EPHB1: variants seen among roughly 807,000 people sequenced by gnomAD.
EPHB1 encodes ephrin type-B receptor 1.
Under a neutral mutation model 94.4 loss-of-function variants are expected in EPHB1, and 30 were observed. The ratio of observed to expected loss-of-function variants is 0.32; its 90% CI spans 0.24 to 0.43. The LOEUF (loss-of-function observed/expected upper bound fraction) is 0.43. Ranked by LOEUF, EPHB1 falls within the 20% of genes least tolerant of loss-of-function variation. The pLI, the probability that EPHB1 is intolerant of heterozygous loss-of-function variation, is 1.00. For synonymous variants in EPHB1, 522 were observed against 489.1 expected (o/e 1.07, Z -0.89); for missense variants, 1,055 against 1,308.3 (o/e 0.81, Z 2.99).
chr3:134,827,003 G>T (rs930076074), intron 1 of EPHB1, among the ~76,000 whole-genome samples: 1 of 152,172 alleles, frequency 6.6e-6, no homozygotes, highest in African/African-American at 2.4e-5. Flanking sequence ...GCCCCATCCT[G>T]CCTGTACAGG....
chr3:135,005,525 G>T (rs1288018843), intron 3 of EPHB1, among the ~76,000 whole-genome samples: 3 of 152,226 alleles, frequency 2.0e-5, no homozygotes, highest in African/African-American at 7.2e-5. Flanking sequence ...ACCTAAGCAA[G>T]CCTGGGCAAT....
intron 5 of EPHB1, among the ~76,000 whole-genome samples, chr3:135,144,303 A>G (rs1940936433): frequency 6.6e-6 from 1 of 152,214 alleles, no homozygotes; most frequent in South Asian, 2.1e-4. Flanking sequence ...ATGCCCTGTC[A>G]AACTTTGACA....
chr3:135,016,228 A>G (rs949509083), intron 3 of EPHB1, among the ~76,000 whole-genome samples: 2 of 152,238 alleles, frequency 1.3e-5, no homozygotes, highest in African/African-American at 2.4e-5. Flanking sequence ...ACCTTAAAGT[A>G]CTTCCAGCAA....
At chr3:135,056,397 C>T (rs548969888) in intron 3 of EPHB1, among the ~76,000 whole-genome samples, 1 of 152,238 alleles carries the variant, frequency 6.6e-6, no homozygotes, top group Non-Finnish European at 1.5e-5. Flanking sequence ...GCTGGGCTCT[C>T]TTGGGATACA....
At chr3:134,806,327 C>T (rs2108284223) in intron 1 of EPHB1, among the ~76,000 whole-genome samples, 1 of 152,326 alleles carries the variant, frequency 6.6e-6, no homozygotes, top group East Asian at 1.9e-4. Context: ...CGTTGTCACC[C>T]AGATACCACA....
intron 15 of EPHB1, among the ~76,000 whole-genome samples, chr3:135,258,588 A>G (rs1384804571): frequency 6.6e-6 from 1 of 152,182 alleles, no homozygotes; most frequent in Non-Finnish European, 1.5e-5. Context: ...AGACCAGGTG[A>G]GCCCCACATC....
chr3:134,858,221 T>C (rs766765086), intron 1 of EPHB1, among the ~76,000 whole-genome samples: 4 of 152,074 alleles, frequency 2.6e-5, no homozygotes, highest in Admixed American at 6.5e-5. Context: ...AGAATGCTCC[T>C]GTAGGTTTGG....
intron 13 of EPHB1, among the ~76,000 whole-genome samples, chr3:135,245,262 C>A (rs1943890936): frequency 6.6e-6 from 1 of 152,152 alleles, no homozygotes; most frequent in Admixed American, 6.5e-5. Flanking sequence ...ACAATCTCAT[C>A]TGTGAAGTTT....
intron 3 of EPHB1, among the ~76,000 whole-genome samples, chr3:134,958,451 A>T (rs1020231705): frequency 4.6e-4 from 60 of 130,848 alleles, no homozygotes; most frequent in Non-Finnish European, 7.1e-4. Flanking sequence ...TGTGTGTGTG[A>T]GGCCTCAGTG....
intron 4 of EPHB1, among the ~76,000 whole-genome samples, chr3:135,112,515 A>C (rs997166006): frequency 2.7e-5 from 4 of 147,408 alleles, no homozygotes; most frequent in Non-Finnish European, 4.5e-5. Context: ...CATTAGGTAT[A>C]TCTCCTAATG....
chr3:135,202,135 G>A (rs1942774159), intron 12 of EPHB1, among the ~76,000 whole-genome samples: 3 of 152,102 alleles, frequency 2.0e-5, no homozygotes. Flanking sequence ...CTTCCAAATA[G>A]CTCTAAGTAC....
intron 11 of EPHB1, among the ~76,000 whole-genome samples, chr3:135,197,205 T>G (rs1402919623): frequency 6.6e-6 from 1 of 152,172 alleles, no homozygotes; most frequent in Admixed American, 6.5e-5. Context: ...ACATGCGCCA[T>G]AAGGCCTTCT....
intron 1 of EPHB1, among the ~76,000 whole-genome samples, chr3:134,810,307 G>GTGTA (rs2036145844): frequency 6.6e-6 from 1 of 150,896 alleles, no homozygotes; most frequent in Non-Finnish European, 1.5e-5. Flanking sequence ...GTGTGTGTGT[G>GTGTA]TGTATTTATG....
chr3:135,179,987 G>T lies in EPHB1; in HGVS notation c.1882+5G>T. The T allele has an allele frequency of 6.2e-7, 1 of 1,613,608 alleles. No homozygotes were observed. The highest frequency in any genetic ancestry group is 8.5e-7 in the Non-Finnish European group (1 of 1,179,646). On this transcript the variant is annotated splice_donor_5th_base_variant and intron_variant, in intron 10 of 15. Coordinates refer to ENST00000398015, the MANE Select transcript of EPHB1 (RefSeq NM_004441.5). ...TTGAAGAGGTCATCGGAGCAGGTATGGCTCTTCCCTGTCTTGTTTCTGTTC... is the reference window on the plus strand; with the variant it reads ...TTGAAGAGGTCATCGGAGCAGGTATTGCTCTTCCCTGTCTTGTTTCTGTTC...
At chr3:135,065,989 T>G (rs1253529010) in intron 3 of EPHB1, among the ~76,000 whole-genome samples, 2 of 152,170 alleles carry the variant, frequency 1.3e-5, no homozygotes, top group African/African-American at 4.8e-5. Context: ...AATTCTTGGG[T>G]GATAATTGTT....
In EPHB1 at chr3:135,047,480, A is replaced by G. The variant is rs138916094; in HGVS notation, c.806-58968A>G. Among the ~76,000 whole-genome samples, 520 of 152,280 alleles carry G rather than the reference A, an allele frequency of 3.4e-3. 1 individual carries two copies. Among genetic ancestry groups the G allele is most frequent in the Non-Finnish European group, 6.1e-3 (414 of 68,022 alleles). On this transcript the variant is annotated intron_variant, in intron 3 of 15. Transcript: ENST00000398015. ...AGGTCTTCTTGTTAATTGGAAAAGCATCGAACTGCACAGCCAGCAAAAGCC... is the reference window on the plus strand; with the variant it reads ...AGGTCTTCTTGTTAATTGGAAAAGCGTCGAACTGCACAGCCAGCAAAAGCC...
intron 2 of EPHB1, 122 bp downstream of exon 2, chr3:134,926,002 T>A: frequency 5.0e-6 from 4 of 798,494 alleles, no homozygotes; most frequent in East Asian, 3.0e-5. Flanking sequence ...TGTGAATGGC[T>A]GTGTCCACTG....
chr3:135,142,247 T>C (rs899492025), intron 5 of EPHB1, among the ~76,000 whole-genome samples: 1 of 152,210 alleles, frequency 6.6e-6, no homozygotes, highest in African/African-American at 2.4e-5. Flanking sequence ...GAAATGGAAC[T>C]ACCCAGGTAA....
chr3:135,156,849 T>C (rs1941370853), intron 6 of EPHB1, among the ~76,000 whole-genome samples: 1 of 152,232 alleles, frequency 6.6e-6, no homozygotes, highest in Non-Finnish European at 1.5e-5. Context: ...TTTGGAACAA[T>C]GTGTTTAGAC....
Sources: gnomAD v4.1 joint callset for allele counts (sites outside exome capture counted in the v4.1 genomes callset) on GRCh38, gnomAD v4.1.1 for gene constraint, MANE v1.5 for transcripts, NCBI Gene and HGNC (gene_info 2026-07-23, HGNC 2026-07-21) for gene names.